NEK2: variants seen among roughly 807,000 people sequenced by gnomAD.
NEK2 encodes serine/threonine-protein kinase Nek2.
In NEK2, 28 loss-of-function variants were observed where a neutral mutation model predicts 54.1. The ratio of observed to expected loss-of-function variants is 0.52; its 90% CI spans 0.38 to 0.71. The LOEUF is 0.71. Ranked by LOEUF, NEK2 falls within the 30% of genes least tolerant of loss-of-function variation. NEK2 has a pLI of 0.00. For missense variants in NEK2, 407 were observed against 531.5 expected, an observed-to-expected ratio of 0.77 and a Z score of 2.30; for synonymous variants, 176 against 193.1, an observed-to-expected ratio of 0.91 and a Z score of 0.73.
Position 211,673,682 on chromosome 1 carries a change from T to A in NEK2, c.356A>T (p.Gln119Leu). Reference protein sequence around the residue: ...DEEFVLRVMTQLTLALKECHR... With the variant: ...DEEFVLRVMTLLTLALKECHR... ...GCATTCCTTCAGGGCCAGAGTCAAC[T>A]GAGTCATCACTCGAAGAACAAACTC... Residue 119 changes from glutamine to leucine, a missense_variant, in exon 3 of 8, where the codon CAG becomes CTG. Physicochemically the swap from Gln to Leu is moderately radical, Grantham distance 113. Coordinates refer to ENST00000366999, the MANE Select transcript of NEK2 (RefSeq NM_002497.4). 2 of 1,614,206 alleles carry A rather than the reference T, an allele frequency of 1.2e-6. No homozygotes were observed. Among genetic ancestry groups the A allele is most frequent in the Non-Finnish European group, 1.7e-6 (2 of 1,180,032 alleles).
Position 211,669,189 on chromosome 1 carries a change from C to A in NEK2, c.909G>T (p.Leu303Phe), listed in dbSNP as rs1264927337. 6.2e-7 allele frequency: 1 copy of A among 1,614,000 alleles called. No individual in the cohort carries two copies. Residue 303 changes from leucine to phenylalanine, a missense_variant, in exon 6 of 8, where the codon TTG becomes TTT. Coordinates refer to ENST00000366999, the MANE Select transcript of NEK2 (RefSeq NM_002497.4). ...GAATTTCCTTCAGTTTCAGCTCACT[C>A]AATACAGGGCTGGAATCCTGCGATT... Reference protein sequence around the residue: ...PEKSQDSSPVLSELKLKEIQL... With the variant: ...PEKSQDSSPVFSELKLKEIQL...
chr1:211,661,784 G>T (rs1462308370), downstream of NEK2, among the ~76,000 whole-genome samples: 1 of 152,180 alleles, frequency 6.6e-6, no homozygotes, highest in African/African-American at 2.4e-5. Flanking sequence ...AAGTGTCTTT[G>T]GTTCACAAGG....
In NEK2 at chr1:211,663,077, G is replaced by A; in HGVS notation, c.*349C>T. ...ACTCAGTCATTTAAAACTATTCAGT[G>A]AGTGCTACTCTTCCTGCATAAATAT... On this transcript the variant is annotated 3_prime_UTR_variant, in exon 8 of 8. Transcript: ENST00000366999. 1 of 1,026,248 alleles carries A rather than the reference G, an allele frequency of 9.7e-7. No individual in the cohort carries two copies. Among genetic ancestry groups the A allele is most frequent in the Non-Finnish European group, 1.2e-6 (1 of 854,170 alleles). The allele number at this position is 1,026,248 out of a possible 1,614,324, so 63.6% of individuals were successfully genotyped here.
intron 7 of NEK2, among the ~76,000 whole-genome samples, chr1:211,664,550 G>A (rs1261833626): frequency 6.6e-6 from 1 of 152,122 alleles, no homozygotes; most frequent in Non-Finnish European, 1.5e-5. Context: ...TGGGTGTAAT[G>A]ATACAAAGCC....
At chr1:211,666,942 T>C in intron 7 of NEK2, 164 bp downstream of exon 7, 1 of 1,436,962 alleles carries the variant, frequency 7.0e-7, no homozygotes, top group Non-Finnish European at 9.1e-7. Flanking sequence ...ATCATTGCTA[T>C]AACAGAATTT....
At chr1:211,665,882 A>G (rs191215200) in intron 7 of NEK2, among the ~76,000 whole-genome samples, 11 of 152,332 alleles carry the variant, frequency 7.2e-5, no homozygotes, top group Non-Finnish European at 1.5e-4. Context: ...CACTAAATTG[A>G]TCACACTACA....
intron 7 of NEK2, among the ~76,000 whole-genome samples, chr1:211,665,365 T>C (rs1407424823): frequency 9.2e-5 from 14 of 152,246 alleles, no homozygotes; most frequent in Admixed American, 9.2e-4. Flanking sequence ...TTTGCCATGA[T>C]TCACATATAA....
At chr1:211,658,435 T>A (rs1320857673), downstream of NEK2, among the ~76,000 whole-genome samples, 1 of 151,914 alleles carries the variant, frequency 6.6e-6, no homozygotes, top group Non-Finnish European at 1.5e-5. Context: ...CATTCATATA[T>A]ACTAATGAAA....
Position 211,670,275 on chromosome 1 carries a change from C to T in NEK2, c.765+6G>A. The T allele has an allele frequency of 1.2e-6, 2 of 1,607,762 alleles. No individual in the cohort carries two copies. Among genetic ancestry groups the T allele is most frequent in the Non-Finnish European group, 8.5e-7 (1 of 1,177,002 alleles). On this transcript the variant is annotated splice_donor_region_variant and intron_variant, in intron 5 of 7. Transcript: ENST00000366999. ...AACAGACAATATATCATCTTATCAT[C>T]TTTACCTTTAAGTTTAACATCCTCG...
chr1:211,665,995 C>T (rs1249633448), intron 7 of NEK2, among the ~76,000 whole-genome samples: 1 of 152,124 alleles, frequency 6.6e-6, no homozygotes, highest in Non-Finnish European at 1.5e-5. Flanking sequence ...TTCAGATGCT[C>T]GATTTTTGAA....
chr1:211,667,100 T>G lies in NEK2; in HGVS notation c.1111+6A>C. Reference sequence around the variant, plus strand: ...CAGCTTCTGTTGACCAAGTTGATTCTCATACCTGGATTACTTGCCAGAGAC... The same window carrying G: ...CAGCTTCTGTTGACCAAGTTGATTCGCATACCTGGATTACTTGCCAGAGAC... On this transcript the variant is annotated splice_donor_region_variant and intron_variant, in intron 7 of 7. Transcript: ENST00000366999. The G allele has an allele frequency of 1.9e-6, 3 of 1,613,686 alleles. No homozygotes were observed. Among genetic ancestry groups the G allele is most frequent in the Non-Finnish European group, 2.5e-6 (3 of 1,179,956 alleles).
downstream of NEK2, chr1:211,660,854 G>T: frequency 1.4e-6 from 1 of 714,396 alleles, no homozygotes; most frequent in South Asian, 1.4e-5. Flanking sequence ...GCTTCCAGAA[G>T]CATAGCATCA....
At chr1:211,663,690 G>C in intron 7 of NEK2, 38 bp from the exon 8 acceptor site, 1 of 1,587,250 alleles carries the variant, frequency 6.3e-7, no homozygotes, top group South Asian at 1.1e-5. Context: ...TGAGTTACTT[G>C]AACAGAGTTC....
At chr1:211,658,324 G>GAATTTAAAT (rs1326134416), downstream of NEK2, among the ~76,000 whole-genome samples, 1 of 151,648 alleles carries the variant, frequency 6.6e-6, no homozygotes, top group East Asian at 1.9e-4. Flanking sequence ...CATTTTTAAA[G>GAATTTAAAT]GGAATTTATT....
chr1:211,675,571 G>A lies in NEK2; in HGVS notation c.-92C>T. ...ACCAGGAACTCCAGGGACCTGGATG[G>A]AGAAGCCCCCGAGCAGCACTGACCC... On this transcript the variant is annotated 5_prime_UTR_variant, in exon 1 of 8. Coordinates refer to ENST00000366999, the MANE Select transcript of NEK2 (RefSeq NM_002497.4). 9.4e-7 allele frequency: 1 copy of A among 1,065,416 alleles called. No individual in the cohort carries two copies. Among genetic ancestry groups the A allele is most frequent in the Non-Finnish European group, 1.4e-6 (1 of 698,160 alleles). 66.0% of individuals were successfully genotyped at this position (1,065,416 alleles called of 1,614,324 possible). A position where few individuals can be genotyped will look rare whatever the true frequency, so the allele number is the denominator to read the frequency against.
intron 7 of NEK2, 21 bp downstream of exon 7, chr1:211,667,085 T>C: frequency 6.2e-7 from 1 of 1,613,356 alleles, no homozygotes; most frequent in East Asian, 2.2e-5. Context: ...CAGCTTCTGT[T>C]GACCAAGTTG....
In NEK2 at chr1:211,670,300, G is replaced by A. The variant is rs776935855; in HGVS notation, c.746C>T (p.Thr249Met). Residue 249 changes from threonine (T) to methionine (M), a missense_variant, in exon 5 of 8, where the codon ACG (threonine) becomes ATG (methionine). Transcript: ENST00000366999. The part of the protein sequence containing the change: ...RYSDELNEII[T>M]RMLNLKDYHR... ...CTTTACCTTTAAGTTTAACATCCTC[G>A]TAATAATTTCATTCAATTCATCAGA... The A allele has an allele frequency of 1.2e-5, 19 of 1,609,380 alleles. No homozygotes were observed. The highest frequency in any genetic ancestry group is 5.4e-5 in the African/African-American group (4 of 74,724).
chr1:211,664,012 A>G (rs1655096615), intron 7 of NEK2, among the ~76,000 whole-genome samples: 1 of 151,898 alleles, frequency 6.6e-6, no homozygotes, highest in Non-Finnish European at 1.5e-5. Context: ...TTCTATGCAG[A>G]ACACCTTACC....
At chr1:211,660,928 G>T, downstream of NEK2, 2 of 741,930 alleles carry the variant, frequency 2.7e-6, no homozygotes, top group Admixed American at 1.8e-5. Context: ...GTGGGTGAGG[G>T]ATGAATCCGT....
Sources: allele counts gnomAD v4.1 joint callset (sites outside exome capture counted in the v4.1 genomes callset), GRCh38; gene constraint gnomAD v4.1.1; transcripts MANE v1.5; gene names NCBI Gene and HGNC (gene_info 2026-07-23, HGNC 2026-07-21).